Variants in ULK2 observed in about 807,000 individuals in gnomAD.
ULK2 encodes unc-51 like autophagy activating kinase 2, also known as serine/threonine-protein kinase ULK2.
Under a neutral mutation model 127.5 loss-of-function variants are expected in ULK2, and 76 were observed. The ratio of observed to expected loss-of-function variants is 0.60; its 90% CI spans 0.50 to 0.72. The LOEUF is 0.72. Among genes scored for constraint, ULK2 ranks in the 30% least tolerant of loss-of-function variants. ULK2 has a pLI of 0.00. For synonymous variants in ULK2, 452 were observed against 461.9 expected (o/e 0.98, Z 0.28); for missense variants, 1,144 against 1,295.9 (o/e 0.88, Z 1.80).
chr17:19,810,528 G>T, intron 13 of ULK2, 90 bp from the exon 14 acceptor site: 1 of 739,640 alleles, frequency 1.4e-6, no homozygotes. Context: ...AGGATTTCAT[G>T]CACGATGCAA....
chr17:19,801,292 G>A (rs555122995), intron 16 of ULK2, among the ~76,000 whole-genome samples: 1 of 152,282 alleles, frequency 6.6e-6, no homozygotes, highest in East Asian at 1.9e-4. Context: ...AAGAAGTTGG[G>A]GCCGGGCGCG....
intron 2 of ULK2, among the ~76,000 whole-genome samples, 174 bp from the exon 3 acceptor site, chr17:19,865,018 T>G (rs2042323510): frequency 6.6e-6 from 1 of 152,096 alleles, no homozygotes; most frequent in African/African-American, 2.4e-5. Context: ...AAAAGCACAT[T>G]ATCTCACTGA....
chr17:19,799,673 A>C, intron 16 of ULK2, 98 bp from the exon 17 acceptor site: 2 of 1,204,884 alleles, frequency 1.7e-6, no homozygotes. Flanking sequence ...ATTGCACAGT[A>C]AACTACTGGT....
intron 13 of ULK2, among the ~76,000 whole-genome samples, chr17:19,811,955 G>A (rs943838119): frequency 6.6e-6 from 1 of 152,172 alleles, no homozygotes; most frequent in Non-Finnish European, 1.5e-5. Context: ...GGACAGAAAA[G>A]AGAAGAGCCT....
At position 19,771,149 on chromosome 17, in the gene ULK2, T is replaced by A. The variant is rs1001381975; in HGVS notation, c.*5200A>T. 1 of 152,124 alleles carries A rather than the reference T, an allele frequency of 6.6e-6. No homozygotes were observed. The highest frequency in any genetic ancestry group is 1.5e-5 in the Non-Finnish European group (1 of 68,036). 9.4% of individuals were successfully genotyped at this position (152,124 alleles called of 1,614,324 possible). On this transcript the variant is annotated 3_prime_UTR_variant, in exon 27 of 27. Transcript: ENST00000395544. ...AGGGTGAGACAGTGTGGGGCTCCTG[T>A]GGGGAGATGGGTACTCCTGTACCCA...
At position 19,867,910 on chromosome 17, in the gene ULK2, G is replaced by C. The variant is rs281340; in HGVS notation, c.-493C>G. The C allele has an allele frequency of 6.6e-6, 1 of 151,186 alleles. No individual in the cohort carries two copies. The highest frequency in any genetic ancestry group is 2.4e-5 in the African/African-American group (1 of 41,314). The allele number at this position is 151,186 out of a possible 1,614,324, so 9.4% of individuals were successfully genotyped here. A position where few individuals can be genotyped will look rare whatever the true frequency, so the allele number is the denominator to read the frequency against. ...CCTCGCGGCGGCGCCCAACGCCCTCGCGCGCGCTACCCGCTCCCGCGCGAC... is the reference window on the plus strand; with the variant it reads ...CCTCGCGGCGGCGCCCAACGCCCTCCCGCGCGCTACCCGCTCCCGCGCGAC... On this transcript the variant is annotated 5_prime_UTR_variant, in exon 1 of 27. Transcript: ENST00000395544.
Position 19,839,660 on chromosome 17 carries a change from C to CAA in ULK2, c.705-1079_705-1078dup, listed in dbSNP as rs58657992. On this transcript the variant is annotated intron_variant, in intron 9 of 26. Transcript: ENST00000395544. ...CTGGCAACAGAACAAGACTCTGTCT[C>CAA]AAAAAAAAAAAAAAAAGAAAGAAAA... 1.9e-3 allele frequency among the ~76,000 whole-genome samples: 133 copies of CAA among 70,304 alleles called. 1 individual carries two copies. The highest frequency in any genetic ancestry group is 0.011 in the South Asian group (27 of 2,418). The allele number at this position is 70,304 out of a possible 152,430, so 46.1% of individuals were successfully genotyped here.
chr17:19,855,826 T>A (rs896445637), intron 3 of ULK2: 4 of 152,196 alleles, frequency 2.6e-5, no homozygotes, highest in African/African-American at 9.7e-5. Flanking sequence ...ACATTCTTTC[T>A]TACCCAGATA....
intron 10 of ULK2, among the ~76,000 whole-genome samples, chr17:19,836,605 C>T (rs1216432344): frequency 2.7e-5 from 4 of 148,710 alleles, no homozygotes; most frequent in African/African-American, 5.0e-5. Context: ...AACTTCGTCT[C>T]GAAAAAACAA....
At chr17:19,808,101 C>T (rs2087552848) in intron 14 of ULK2, among the ~76,000 whole-genome samples, 2 of 152,066 alleles carry the variant, frequency 1.3e-5, no homozygotes, top group South Asian at 2.1e-4. Context: ...AGCGAAACTC[C>T]ATCTCAAAAA....
intron 10 of ULK2, among the ~76,000 whole-genome samples, chr17:19,829,548 A>G (rs867786734): frequency 0.013 from 330 of 25,544 alleles, 31 homozygotes; most frequent in African/African-American, 0.034. Context: ...GAAAAAAAAA[A>G]GGGGGGGGGC....
At position 19,774,075 on chromosome 17, in the gene ULK2, A is replaced by T. The variant is rs1409958512; in HGVS notation, c.*2274T>A. 2 of 152,588 alleles carry T rather than the reference A, an allele frequency of 1.3e-5. No individual in the cohort carries two copies. The highest frequency in any genetic ancestry group is 4.8e-5 in the African/African-American group (2 of 41,458). The allele number at this position is 152,588 out of a possible 1,614,324, so 9.5% of individuals were successfully genotyped here. On this transcript the variant is annotated 3_prime_UTR_variant, in exon 27 of 27. Transcript: ENST00000395544. Reference sequence around the variant, plus strand: ...CAGCAATTTTCCAGGTTATGGCTTGAATACAGGTGTCAACCCATGAATGTA... The same window carrying T: ...CAGCAATTTTCCAGGTTATGGCTTGTATACAGGTGTCAACCCATGAATGTA...
At chr17:19,777,198 G>C (rs985649470) in intron 26 of ULK2, among the ~76,000 whole-genome samples, 1 of 152,186 alleles carries the variant, frequency 6.6e-6, no homozygotes, top group Non-Finnish European at 1.5e-5. Flanking sequence ...TCCACCTCCT[G>C]GGTTCAAGCG....
chr17:19,841,693 T>C (rs2041762391), intron 8 of ULK2, 146 bp from the exon 9 acceptor site: 3 of 587,544 alleles, frequency 5.1e-6, no homozygotes, highest in Non-Finnish European at 8.7e-6. Flanking sequence ...GGAGGGAAAG[T>C]ATGAGGGAGG....
intron 3 of ULK2, among the ~76,000 whole-genome samples, chr17:19,859,386 G>A (rs185103077): frequency 2.4e-4 from 37 of 152,170 alleles, no homozygotes; most frequent in Admixed American, 5.2e-4. Context: ...AGGCGTGGTG[G>A]CAGGCACCTG....
intron 13 of ULK2, among the ~76,000 whole-genome samples, chr17:19,815,572 C>A (rs897232313): frequency 6.6e-6 from 1 of 152,290 alleles, no homozygotes; most frequent in South Asian, 2.1e-4. Context: ...TAAGCCACTG[C>A]GCCCAGCAAC....
intron 1 of ULK2, among the ~76,000 whole-genome samples, chr17:19,866,308 T>C (rs960063449): frequency 2.6e-5 from 4 of 150,970 alleles, no homozygotes; most frequent in African/African-American, 4.9e-5. Context: ...AAGACCACAC[T>C]GGCCAACGTG....
intron 16 of ULK2, among the ~76,000 whole-genome samples, chr17:19,800,720 C>T (rs2087379391): frequency 6.6e-6 from 1 of 152,110 alleles, no homozygotes; most frequent in Non-Finnish European, 1.5e-5. Flanking sequence ...TTCAGCAGTT[C>T]TGACTGAAGG....
At chr17:19,835,769 A>G (rs891374642) in intron 10 of ULK2, among the ~76,000 whole-genome samples, 6 of 151,346 alleles carry the variant, frequency 4.0e-5, no homozygotes, top group African/African-American at 1.5e-4. Context: ...AAAAAAAAAA[A>G]TACATAGTAC....
Sources: allele counts gnomAD v4.1 joint callset (sites outside exome capture counted in the v4.1 genomes callset), GRCh38; gene constraint gnomAD v4.1.1; transcripts MANE v1.5; gene names NCBI Gene and HGNC (gene_info 2026-07-23, HGNC 2026-07-21).